DPY19L3: variants seen among roughly 807,000 people sequenced by gnomAD.
DPY19L3 encodes dpy-19 like C-mannosyltransferase 3, also known as protein C-mannosyl-transferase DPY19L3.
DPY19L3 carries 51 observed loss-of-function variants against 92.3 expected under a neutral mutation model. The ratio of observed to expected loss-of-function variants is 0.55; its 90% confidence interval spans 0.44 to 0.70. The LOEUF (loss-of-function observed/expected upper bound fraction) is 0.70, where lower values mean the gene tolerates loss of function less well. DPY19L3 is among the 30% of genes least tolerant of loss of function. The pLI is 0.00. For synonymous variants in DPY19L3, 309 were observed against 315.2 expected (o/e 0.98, Z 0.21); for missense variants, 706 against 855.9 (o/e 0.82, Z 2.18).
chr19:32,473,245 A>T (rs1388935782), intron 16 of DPY19L3, among the ~76,000 whole-genome samples: 1 of 152,244 alleles, frequency 6.6e-6, no homozygotes, highest in Non-Finnish European at 1.5e-5. Context: ...CTTACAGAAC[A>T]AATTGTGTGC....
chr19:32,417,298 T>C (rs576349514), intron 3 of DPY19L3, among the ~76,000 whole-genome samples: 1 of 152,308 alleles, frequency 6.6e-6, no homozygotes, highest in African/African-American at 2.4e-5. Context: ...CATGATAGTG[T>C]CACGAGATCT....
intron 3 of DPY19L3, among the ~76,000 whole-genome samples, chr19:32,431,382 A>AC (rs1968962245): frequency 6.6e-6 from 1 of 152,074 alleles, no homozygotes; most frequent in South Asian, 2.1e-4. Flanking sequence ...GTCTCAAAAA[A>AC]AAAAAACAGA....
chr19:32,434,422 C>T lies in DPY19L3; in HGVS notation c.328+1616C>T, dbSNP rs190906971. On this transcript the variant is annotated intron_variant, in intron 4 of 18. Transcript: ENST00000392250. ...CTGTAGTCCCAGCACTTTGGGAGGC[C>T]GAGGCGGATGGATCACCTGAGGTCG... 2.8e-3 allele frequency among the ~76,000 whole-genome samples: 419 copies of T among 152,152 alleles called. 1 individual carries two copies. Among genetic ancestry groups the T allele is most frequent in the Non-Finnish European group, 3.3e-3 (226 of 67,990 alleles).
chr19:32,458,931 T>C (rs560716397), intron 12 of DPY19L3, among the ~76,000 whole-genome samples: 81 of 152,366 alleles, frequency 5.3e-4, no homozygotes, highest in Admixed American at 1.3e-3. Context: ...TCATTATCAC[T>C]GTTGACTCAT....
At position 32,439,267 on chromosome 19, in the gene DPY19L3, TC is replaced by T. The variant is rs750524593; in HGVS notation, c.720+37del. ...GTTTATAAAATTTCATATATTTTAATCCCCCAATTTTATATATGAAGCTTCA... is the reference window on the plus strand; with the variant it reads ...GTTTATAAAATTTCATATATTTTAATCCCCAATTTTATATATGAAGCTTCA... On this transcript the variant is annotated intron_variant, in intron 7 of 18. Coordinates refer to ENST00000392250, the MANE Select transcript of DPY19L3 (RefSeq NM_001172774.2). 3.8e-6 allele frequency: 6 copies of T among 1,595,070 alleles called. No homozygotes were observed. The African/African-American group carries it at 5.4e-5, about 14-fold the overall frequency.
chr19:32,438,995 G>C, intron 6 of DPY19L3, 117 bp from the exon 7 acceptor site: 1 of 1,066,656 alleles, frequency 9.4e-7, no homozygotes, highest in Non-Finnish European at 1.4e-6. Flanking sequence ...TTGAGAACCA[G>C]TGGCCAGAAT....
intron 12 of DPY19L3, among the ~76,000 whole-genome samples, chr19:32,461,250 CAA>C: frequency 1.3e-5 from 2 of 151,564 alleles, no homozygotes; most frequent in African/African-American, 4.8e-5. Flanking sequence ...CTCAGCCTCC[CAA>C]AGTGTTGGGA....
intron 3 of DPY19L3, chr19:32,412,111 A>G (rs1401400250): frequency 6.6e-6 from 1 of 152,230 alleles, no homozygotes; most frequent in African/African-American, 2.4e-5. Context: ...CCTGGGCTCA[A>G]GCGATCCTAC....
chr19:32,473,714 C>T (rs539330952), intron 16 of DPY19L3, among the ~76,000 whole-genome samples: 4 of 152,188 alleles, frequency 2.6e-5, no homozygotes, highest in Non-Finnish European at 2.9e-5. Context: ...ACGGAGCTGG[C>T]GTATGAGACA....
intron 8 of DPY19L3, among the ~76,000 whole-genome samples, chr19:32,452,755 G>A (rs1021082599): frequency 2.0e-5 from 3 of 152,002 alleles, no homozygotes; most frequent in Admixed American, 6.5e-5. Flanking sequence ...GTGTAGTGGC[G>A]CATTCTCGGC....
chr19:32,480,557 C>G lies in DPY19L3; in HGVS notation c.1989C>G (p.His663Gln), dbSNP rs201876840. ...ACCTGCTGGACATTGCCAACGGCCACGTGAGCATGCTGCCTCTCCCTGTGT... is the reference window on the plus strand; with the variant it reads ...ACCTGCTGGACATTGCCAACGGCCAGGTGAGCATGCTGCCTCTCCCTGTGT... ...LRDLLDIANGHMMDGPGENDP... is the reference protein window; with the variant it reads ...LRDLLDIANGQMMDGPGENDP... The change falls in exon 18 of 19, where the codon CAC becomes CAG. Residue 663 changes from histidine to glutamine, a missense_variant and splice_region_variant. His to Gln is a conservative substitution (Grantham distance 24, BLOSUM62 0). Coordinates refer to ENST00000392250, the MANE Select transcript of DPY19L3 (RefSeq NM_001172774.2). 1.2e-6 allele frequency: 2 copies of G among 1,611,118 alleles called. No homozygotes were observed. Among genetic ancestry groups the G allele is most frequent in the South Asian group, 1.1e-5 (1 of 90,588 alleles).
chr19:32,433,407 T>C (rs1430811546), intron 4 of DPY19L3, among the ~76,000 whole-genome samples: 5 of 152,168 alleles, frequency 3.3e-5, no homozygotes, highest in African/African-American at 1.2e-4. Context: ...TGGCAGTTAT[T>C]CATAAATTAT....
intron 3 of DPY19L3, among the ~76,000 whole-genome samples, chr19:32,428,837 T>TG: frequency 6.6e-6 from 1 of 151,908 alleles, no homozygotes; most frequent in African/African-American, 2.4e-5. Context: ...TTTTTGTTTT[T>TG]TTTCTTGTTG....
chr19:32,479,984 C>T (rs189083954), intron 17 of DPY19L3, among the ~76,000 whole-genome samples: 33 of 152,312 alleles, frequency 2.2e-4, no homozygotes, highest in Admixed American at 1.6e-3. Context: ...CTTATTGGGA[C>T]GTGTGTCCCT....
intron 3 of DPY19L3, among the ~76,000 whole-genome samples, chr19:32,428,821 G>A (rs1599609450): frequency 6.8e-6 from 1 of 146,308 alleles, no homozygotes; most frequent in Non-Finnish European, 1.5e-5. Context: ...TAGCTGTACA[G>A]TTTTTTTTTT....
chr19:32,460,513 C>G (rs1970004060), intron 12 of DPY19L3, among the ~76,000 whole-genome samples: 1 of 152,136 alleles, frequency 6.6e-6, no homozygotes, highest in Non-Finnish European at 1.5e-5. Flanking sequence ...CTGTGTGAGC[C>G]TGTGAGTGAA....
intron 18 of DPY19L3, chr19:32,481,840 G>A (rs1970681901): frequency 4.2e-6 from 2 of 475,700 alleles, no homozygotes; most frequent in Admixed American, 7.3e-5. Flanking sequence ...TTCTAGTTCT[G>A]GCTTTCCCGT....
rs189894440 is a variant in DPY19L3, at chr19:32,445,352, A to G, written c.855+5442A>G. Among the ~76,000 whole-genome samples the G allele has an allele frequency of 6.7e-3, 961 of 144,192 alleles. 8 individuals carry two copies. The highest frequency in any genetic ancestry group is 7.8e-3 in the African/African-American group (303 of 39,066). The allele number at this position is 144,192 out of a possible 152,430, so 94.6% of individuals were successfully genotyped here. A position where few individuals can be genotyped will look rare whatever the true frequency, so the allele number is the denominator to read the frequency against. ...GCTACTTGGTAGGCTGAGGCAGGAA[A>G]ATGGCGTGAACCTGGGAGGCGGAGC... On this transcript the variant is annotated intron_variant, in intron 8 of 18. Coordinates refer to ENST00000392250, the MANE Select transcript of DPY19L3 (RefSeq NM_001172774.2).
intron 3 of DPY19L3, among the ~76,000 whole-genome samples, chr19:32,425,532 CAG>C (rs1169413885): frequency 2.0e-5 from 3 of 150,360 alleles, no homozygotes; most frequent in Non-Finnish European, 4.4e-5. Context: ...TCGTGGGTAA[CAG>C]AGCGAGACTC....
Sources: gnomAD v4.1 joint callset for allele counts (sites outside exome capture counted in the v4.1 genomes callset) on GRCh38, gnomAD v4.1.1 for gene constraint, MANE v1.5 for transcripts, NCBI Gene and HGNC (gene_info 2026-07-23, HGNC 2026-07-21) for gene names.